The following SEMA4F variants were observed in gnomAD, a reference collection of about 807,000 sequenced individuals.
The protein encoded by SEMA4F is ssemaphorin 4F, also known as semaphorin-4F.
In SEMA4F, 51 loss-of-function variants were observed where a neutral mutation model predicts 78.4. The ratio of observed to expected loss-of-function variants is 0.65; its 90% CI spans 0.52 to 0.82. The LOEUF is 0.82. Ranked by LOEUF, SEMA4F falls within the 40% of genes least tolerant of loss-of-function variation. SEMA4F has a pLI of 0.00. For missense variants in SEMA4F, 938 were observed against 1,014.4 expected (o/e 0.92, Z 1.02); for synonymous variants, 418 against 408.7 (o/e 1.02, Z -0.27).
In SEMA4F at chr2:74,665,939, G is replaced by A. The variant is rs71418743; in HGVS notation, c.550+3114G>A. On this transcript the variant is annotated intron_variant, in intron 5 of 13. Transcript: ENST00000357877. The stretch of plus-strand genomic sequence containing the variant: ...TTTTGTTTTTTTGAGACGGAGTCTC[G>A]CTCTGTCGCCCAGGCTGGAATGCAG... 9.0e-3 allele frequency among the ~76,000 whole-genome samples: 1,332 copies of A among 148,188 alleles called. 10 individuals carry two copies. Among genetic ancestry groups the A allele is most frequent in the Non-Finnish European group, 0.015 (984 of 67,422 alleles).
At chr2:74,686,537 C>T (rs1382325890), downstream of SEMA4F, among the ~76,000 whole-genome samples, 1 of 152,150 alleles carries the variant, frequency 6.6e-6, no homozygotes. Context: ...GGTATATACC[C>T]AAAGGATTAT....
chr2:74,691,331 A>G, the SEMA4F span, among the ~76,000 whole-genome samples: 1 of 152,228 alleles, frequency 6.6e-6, no homozygotes, highest in African/African-American at 2.4e-5. Flanking sequence ...TCAGAGATGC[A>G]TTACATGGGG....
rs1685245538 is a variant in SEMA4F, at chr2:74,675,779, G to A, written c.1513G>A (p.Val505Met). ...SWLLVGSRTE[V>M]TQVNTTNCGR... Reference sequence around the variant, plus strand: ...GCTCCTGGTTGGCTCCCGTACTGAGGTGACACAAGTGAATACAACCAACTG... The same window carrying A: ...GCTCCTGGTTGGCTCCCGTACTGAGATGACACAAGTGAATACAACCAACTG... The change falls in exon 12 of 14, where the codon GTG becomes ATG. Residue 505 changes from valine to methionine, a missense_variant. Physicochemically the swap from Val to Met is conservative, Grantham distance 21. Transcript: ENST00000357877. 2 of 1,614,084 alleles carry A rather than the reference G, an allele frequency of 1.2e-6. No homozygotes were observed. The highest frequency in any genetic ancestry group is 3.3e-5 in the Admixed American group (2 of 60,008).
At chr2:74,659,922 C>A (rs1005405417) in intron 4 of SEMA4F, among the ~76,000 whole-genome samples, 1 of 152,182 alleles carries the variant, frequency 6.6e-6, no homozygotes, top group African/African-American at 2.4e-5. Flanking sequence ...GATCTAAGGG[C>A]TCCCACTGTG....
At chr2:74,693,375 T>C in the SEMA4F span, among the ~76,000 whole-genome samples, 1 of 152,364 alleles carries the variant, frequency 6.6e-6, no homozygotes, top group East Asian at 1.9e-4. Context: ...ATTCTTGACT[T>C]GAACCTGATT....
At chr2:74,656,806 G>T (rs987276272) in intron 2 of SEMA4F, 121 bp downstream of exon 2, 8 of 1,098,000 alleles carry the variant, frequency 7.3e-6, no homozygotes, top group Admixed American at 2.2e-5. Flanking sequence ...GTAGTAGGAG[G>T]GGGTGAGTTG....
rs773545349 is a variant in SEMA4F, at chr2:74,674,507, G to C, written c.832G>C (p.Gly278Arg). 1.2e-5 allele frequency: 19 copies of C among 1,612,104 alleles called. No individual in the cohort carries two copies. The highest frequency in any genetic ancestry group is 2.7e-5 in the African/African-American group (2 of 74,906). ...RVARVCAGDL[G>R]GRKTLQQRWT... is the part of the protein sequence containing the mutation. ...GTGTTTGTCACCCCAGGGGGACCTC[G>C]GGGGCCGGAAGACCCTCCAGCAGAG... is the stretch of plus-strand genomic sequence containing the variant. The change falls in exon 8 of 14, where the codon GGG becomes CGG. Residue 278 changes from glycine (G) to arginine (R), a missense_variant. Transcript: ENST00000357877.
chr2:74,658,660 A>C lies in SEMA4F; in HGVS notation c.456+709A>C, dbSNP rs1684279880. ...ATCTAGGCTAGTCATGATCTCTGGG[A>C]CTGATGACTGTTTCTGAATTCTCAG... is the stretch of plus-strand genomic sequence containing the variant. On this transcript the variant is annotated intron_variant, in intron 4 of 13. Transcript: ENST00000357877. The surrounding 1 kb of genome is among the most constrained non-coding windows in gnomAD (Gnocchi z 4.3). Among the ~76,000 whole-genome samples, 1 of 152,242 alleles carries C rather than the reference A, an allele frequency of 6.6e-6. No homozygotes were observed. The highest frequency in any genetic ancestry group is 2.4e-5 in the African/African-American group (1 of 41,462).
the SEMA4F span, among the ~76,000 whole-genome samples, chr2:74,690,461 G>A: frequency 6.6e-6 from 1 of 152,050 alleles, no homozygotes; most frequent in Admixed American, 6.6e-5. Flanking sequence ...GAAAAAAATG[G>A]AAGAATGAAG....
chr2:74,659,660 A>T (rs1272552486), intron 4 of SEMA4F, among the ~76,000 whole-genome samples: 1 of 152,152 alleles, frequency 6.6e-6, no homozygotes, highest in Non-Finnish European at 1.5e-5. Context: ...TTTGAGCCAC[A>T]TCCTGTCTGC....
At chr2:74,660,403 T>G (rs954108277) in intron 4 of SEMA4F, among the ~76,000 whole-genome samples, 2 of 152,236 alleles carry the variant, frequency 1.3e-5, no homozygotes, top group Non-Finnish European at 2.9e-5. Context: ...TTTTCTTTGC[T>G]TTTTTTCTTA....
chr2:74,707,591 TAAC>T, the SEMA4F span, among the ~76,000 whole-genome samples: 1 of 151,676 alleles, frequency 6.6e-6, no homozygotes, highest in Non-Finnish European at 1.5e-5. Context: ...CCTGAAACAA[TAAC>T]AACAACAACA....
At chr2:74,656,775 A>C in intron 2 of SEMA4F, 90 bp downstream of exon 2, 1 of 1,345,836 alleles carries the variant, frequency 7.4e-7, no homozygotes. Flanking sequence ...TTTCATAATA[A>C]CTAAAGATGT....
At chr2:74,679,427 G>A in intron 13 of SEMA4F, 93 bp downstream of exon 13, 1 of 1,473,506 alleles carries the variant, frequency 6.8e-7, no homozygotes, top group Non-Finnish European at 9.5e-7. Context: ...CTAAACCTTG[G>A]ATCCTGGAAG....
intron 11 of SEMA4F, 26 bp from the exon 12 acceptor site, chr2:74,675,723 T>A: frequency 3.7e-6 from 6 of 1,613,624 alleles, no homozygotes; most frequent in Non-Finnish European, 5.1e-6. Context: ...TCCAGTGTAT[T>A]CCCCTTCCCC....
At chr2:74,660,631 G>C (rs2104928600) in intron 4 of SEMA4F, among the ~76,000 whole-genome samples, 1 of 152,352 alleles carries the variant, frequency 6.6e-6, no homozygotes, top group East Asian at 1.9e-4. Context: ...TAATATAGTG[G>C]AGTGGTCATG....
the SEMA4F span, among the ~76,000 whole-genome samples, chr2:74,705,709 G>A: frequency 4.6e-5 from 7 of 152,096 alleles, no homozygotes; most frequent in Non-Finnish European, 8.8e-5. Flanking sequence ...GACTACAGAT[G>A]TGTGCCACCA....
chr2:74,677,322 A>G (rs545106240), intron 12 of SEMA4F, among the ~76,000 whole-genome samples: 147 of 152,380 alleles, frequency 9.6e-4, no homozygotes, highest in African/African-American at 3.4e-3. Flanking sequence ...CTCCTGGTCA[A>G]TCTTGCCTCA....
downstream of SEMA4F, among the ~76,000 whole-genome samples, chr2:74,684,064 C>T (rs1443375292): frequency 6.6e-6 from 1 of 150,536 alleles, no homozygotes; most frequent in African/African-American, 2.5e-5. Context: ...TGCAACTTCT[C>T]CCCACACATA....
Sources: gnomAD v4.1 joint callset for allele counts (sites outside exome capture counted in the v4.1 genomes callset) on GRCh38, gnomAD v4.1.1 for gene constraint, Gnocchi (gnomAD v3.1) non-coding constraint, MANE v1.5 for transcripts, NCBI Gene and HGNC (gene_info 2026-07-23, HGNC 2026-07-21) for gene names.